Variants in PRKAG2 observed in about 807,000 individuals in gnomAD.
PRKAG2 encodes protein kinase AMP-activated non-catalytic subunit gamma 2, also known as 5'-AMP-activated protein kinase subunit gamma-2.
PRKAG2 carries 26 observed loss-of-function variants against 69.6 expected under a neutral mutation model. That is an observed-to-expected ratio of 0.37 (90% CI 0.27 to 0.52). PRKAG2 has a LOEUF of 0.52. PRKAG2 is among the 20% of genes least tolerant of loss of function. PRKAG2 has a pLI of 0.90. For missense variants in PRKAG2, 557 were observed against 740.0 expected (o/e 0.75, Z 2.87); for synonymous variants, 293 against 285.0 (o/e 1.03, Z -0.28).
intron 5 of PRKAG2, among the ~76,000 whole-genome samples, chr7:151,629,310 T>C (rs2151311113): frequency 6.6e-6 from 1 of 152,304 alleles, no homozygotes; most frequent in South Asian, 2.1e-4. Context: ...GCCCCTGTGC[T>C]AGGCAAGTCC....
At chr7:151,564,727 A>G (rs1360839935) in intron 13 of PRKAG2, among the ~76,000 whole-genome samples, 3 of 151,980 alleles carry the variant, frequency 2.0e-5, no homozygotes, top group Non-Finnish European at 4.4e-5. Flanking sequence ...AGCCCCATGG[A>G]TCCAAATGGC....
chr7:151,564,344 C>T (rs1023173560), intron 13 of PRKAG2, 120 bp from the exon 14 acceptor site: 2 of 1,041,648 alleles, frequency 1.9e-6, no homozygotes, highest in African/African-American at 1.6e-5. Context: ...GAATTTAGTA[C>T]CTGCATACAT....
intron 7 of PRKAG2, 124 bp downstream of exon 7, chr7:151,576,247 A>C: frequency 3.0e-6 from 3 of 997,762 alleles, no homozygotes; most frequent in Non-Finnish European, 4.6e-6. Flanking sequence ...TGCCAGCAAG[A>C]ATGTTCTTTA....
At chr7:151,801,118 A>T (rs2077814291) in intron 1 of PRKAG2, among the ~76,000 whole-genome samples, 1 of 152,218 alleles carries the variant, frequency 6.6e-6, no homozygotes, top group Non-Finnish European at 1.5e-5. Flanking sequence ...CCACCCACCC[A>T]GCTCCTCAGA....
In PRKAG2 at chr7:151,557,046, C is replaced by CT; in HGVS notation, c.*154dup. ...GAATCTTCAAGCACATAAAATCTTT[C>CT]TTTTTTAAGCTTAATTTCAACATCA... On this transcript the variant is annotated 3_prime_UTR_variant, in exon 16 of 16. Transcript: ENST00000287878. 7.7e-7 allele frequency: 1 copy of CT among 1,296,938 alleles called. No individual in the cohort carries two copies. The highest frequency in any genetic ancestry group is 2.3e-5 in the East Asian group (1 of 42,616). The allele number at this position is 1,296,938 out of a possible 1,614,324, so 80.3% of individuals were successfully genotyped here.
intron 5 of PRKAG2, among the ~76,000 whole-genome samples, chr7:151,616,276 GCATGCACA>G (rs1167719333): frequency 3.3e-5 from 5 of 152,162 alleles, no homozygotes; most frequent in Admixed American, 6.5e-5. Context: ...AGGTGCACAT[GCATGCACA>G]CATGCACATA....
rs935037522 is a variant in PRKAG2 at position 151,634,937 on chromosome 7, CTGTT to C, written c.685-2803_685-2800del. On this transcript the variant is annotated intron_variant, in intron 4 of 15. Transcript: ENST00000287878. ...CTGGTGGGAATGCAAAATGGAACCACTGTTTTTTTTTTTTTTTTTCTTTTTTTTT... is the reference window on the plus strand; with the variant it reads ...CTGGTGGGAATGCAAAATGGAACCACTTTTTTTTTTTTTTTCTTTTTTTTT... Among the ~76,000 whole-genome samples the C allele has an allele frequency of 4.2e-5, 6 of 142,580 alleles. No individual in the cohort carries two copies. In the South Asian group the frequency reaches 6.4e-4, roughly 15 times the overall value. 93.5% of individuals were successfully genotyped at this position (142,580 alleles called of 152,430 possible). A position where few individuals can be genotyped will look rare whatever the true frequency, so the allele number is the denominator to read the frequency against.
At chr7:151,862,609 A>T (rs748497776) in intron 1 of PRKAG2, among the ~76,000 whole-genome samples, 30 of 152,182 alleles carry the variant, frequency 2.0e-4, no homozygotes, top group Non-Finnish European at 4.1e-4. Context: ...GGACATGACA[A>T]AGTGTAGACG....
intron 1 of PRKAG2, among the ~76,000 whole-genome samples, chr7:151,870,111 T>TGATA (rs57003272): frequency 0.036 from 4,387 of 120,256 alleles, 192 homozygotes; most frequent in African/African-American, 0.078. Context: ...AAGGTGCAGA[T>TGATA]GATAGATAGA....
intron 3 of PRKAG2, among the ~76,000 whole-genome samples, chr7:151,688,471 C>T (rs1188834512): frequency 5.9e-5 from 9 of 152,256 alleles, no homozygotes; most frequent in East Asian, 1.9e-4. Context: ...CGATGAGATG[C>T]GGTGTGGGGA....
At chr7:151,610,991 G>A (rs1818696590) in intron 5 of PRKAG2, among the ~76,000 whole-genome samples, 1 of 152,106 alleles carries the variant, frequency 6.6e-6, no homozygotes. Context: ...CTGACCGCAG[G>A]TGATCCGTCC....
intron 5 of PRKAG2, among the ~76,000 whole-genome samples, chr7:151,612,491 G>A (rs979104470): frequency 6.6e-6 from 1 of 152,174 alleles, no homozygotes; most frequent in African/African-American, 2.4e-5. Flanking sequence ...CCCTGCCTAG[G>A]CAAGACACTG....
intron 1 of PRKAG2, chr7:151,806,961 C>T (rs1355255282): frequency 6.6e-6 from 3 of 452,488 alleles, no homozygotes; most frequent in African/African-American, 2.0e-5. Flanking sequence ...AAAAGCCAGG[C>T]CTCCTAATGT....
chr7:151,641,855 G>C (rs548484683), intron 4 of PRKAG2, among the ~76,000 whole-genome samples: 87 of 152,038 alleles, frequency 5.7e-4, no homozygotes, highest in African/African-American at 2.0e-3. Flanking sequence ...TTTAAAAGTA[G>C]TGTAGAAATT....
At chr7:151,693,562 A>T (rs1836051695) in intron 3 of PRKAG2, among the ~76,000 whole-genome samples, 1 of 152,270 alleles carries the variant, frequency 6.6e-6, no homozygotes, top group African/African-American at 2.4e-5. Flanking sequence ...TACTGAGTAT[A>T]AAAATATTTA....
intron 3 of PRKAG2, among the ~76,000 whole-genome samples, chr7:151,680,231 C>T (rs1833639443): frequency 6.6e-6 from 1 of 152,164 alleles, no homozygotes; most frequent in African/African-American, 2.4e-5. Flanking sequence ...TGTGTAATTG[C>T]TAAGTGTCGA....
intron 1 of PRKAG2, among the ~76,000 whole-genome samples, chr7:151,858,756 G>A (rs954909221): frequency 6.6e-6 from 1 of 152,218 alleles, no homozygotes; most frequent in Non-Finnish European, 1.5e-5. Flanking sequence ...TTTGGTTTGA[G>A]CCCCCAATCC....
intron 3 of PRKAG2, among the ~76,000 whole-genome samples, chr7:151,768,110 T>C (rs1309543497): frequency 1.3e-5 from 2 of 152,206 alleles, no homozygotes; most frequent in African/African-American, 4.8e-5. Context: ...ACTTGGCTCA[T>C]GGGACTCCTC....
intron 3 of PRKAG2, among the ~76,000 whole-genome samples, chr7:151,678,943 GAC>G (rs1833391474): frequency 6.6e-6 from 1 of 151,938 alleles, no homozygotes; most frequent in African/African-American, 2.4e-5. Flanking sequence ...CAGCCTGGGT[GAC>G]AGAGTGAGAC....
Sources: gnomAD v4.1 joint callset for allele counts (sites outside exome capture counted in the v4.1 genomes callset) on GRCh38, gnomAD v4.1.1 for gene constraint, MANE v1.5 for transcripts, NCBI Gene and HGNC (gene_info 2026-07-23, HGNC 2026-07-21) for gene names.